The following TDRD3 variants were observed in gnomAD, a reference collection of about 807,000 sequenced individuals.
TDRD3 encodes the protein tudor domain containing 3.
In TDRD3, 45 loss-of-function variants were observed where a neutral mutation model predicts 86.7. That is an observed-to-expected ratio of 0.52 (90% CI 0.41 to 0.67). The LOEUF is 0.67. Ranked by LOEUF, TDRD3 falls within the 30% of genes least tolerant of loss-of-function variation. The pLI is 0.00. For missense variants in TDRD3, 814 were observed against 889.0 expected, an observed-to-expected ratio of 0.92 and a Z score of 1.07; for synonymous variants, 298 against 301.7, an observed-to-expected ratio of 0.99 and a Z score of 0.13.
At chr13:60,442,851 G>T (rs1165454437) in intron 2 of TDRD3, among the ~76,000 whole-genome samples, 1 of 151,872 alleles carries the variant, frequency 6.6e-6, no homozygotes, top group African/African-American at 2.4e-5. Context: ...TTTAATTACC[G>T]TTGGGATGGA....
Position 60,528,984 on chromosome 13 carries a change from C to T in TDRD3, c.1759C>T (p.Pro587Ser). 6.2e-7 allele frequency: 1 copy of T among 1,613,914 alleles called. No individual in the cohort carries two copies. The highest frequency in any genetic ancestry group is 8.5e-7 in the Non-Finnish European group (1 of 1,179,940). ...PVRSNSFIGV[P>S]NGEVEMPLKG... ...TCGAAGTAATAGTTTCATTGGTGTT[C>T]CAAATGGAGAAGTAGAAATGCCACT... The change falls in exon 11 of 14, where the codon CCA (proline) becomes TCA (serine). Residue 587 changes from proline (P) to serine (S), a missense_variant. Physicochemically the swap from Pro to Ser is moderately conservative, Grantham distance 74 (BLOSUM62 -1). Coordinates refer to ENST00000377881, the MANE Select transcript of TDRD3 (RefSeq NM_001146070.2).
intron 6 of TDRD3, 53 bp downstream of exon 6, chr13:60,483,899 A>G: frequency 1.3e-6 from 2 of 1,547,952 alleles, no homozygotes; most frequent in Non-Finnish European, 1.8e-6. Context: ...AGTGTTTTTC[A>G]TTAGCATTCA....
At chr13:60,425,521 G>T (rs1954779469) in intron 1 of TDRD3, among the ~76,000 whole-genome samples, 1 of 152,128 alleles carries the variant, frequency 6.6e-6, no homozygotes, top group Non-Finnish European at 1.5e-5. Flanking sequence ...TATATCCAAA[G>T]AAGATGAAAT....
At chr13:60,482,837 GT>G (rs986833949) in intron 5 of TDRD3, among the ~76,000 whole-genome samples, 111 of 138,124 alleles carry the variant, frequency 8.0e-4, no homozygotes, top group East Asian at 1.9e-3. Context: ...CATGGTGGTT[GT>G]TTTTTTTTTT....
At chr13:60,424,649 C>T (rs893457466) in intron 1 of TDRD3, among the ~76,000 whole-genome samples, 2 of 152,144 alleles carry the variant, frequency 1.3e-5, no homozygotes, top group South Asian at 2.1e-4. Flanking sequence ...TGTACCCCAG[C>T]CTGCGCAACA....
chr13:60,490,044 A>G (rs1304048572), intron 7 of TDRD3, among the ~76,000 whole-genome samples: 1 of 123,072 alleles, frequency 8.1e-6, no homozygotes, highest in Non-Finnish European at 1.6e-5. Context: ...TAATTAAAGC[A>G]TCTTAGTTTT....
chr13:60,562,320 C>A (rs1335474441), intron 12 of TDRD3, among the ~76,000 whole-genome samples: 1 of 151,602 alleles, frequency 6.6e-6, no homozygotes, highest in Non-Finnish European at 1.5e-5. Flanking sequence ...CTCCCTTCCC[C>A]CCACCCCCGG....
chr13:60,421,246 A>C (rs1407803159), intron 1 of TDRD3, among the ~76,000 whole-genome samples: 1 of 152,186 alleles, frequency 6.6e-6, no homozygotes, highest in Admixed American at 6.5e-5. Flanking sequence ...AGGAGGCCCC[A>C]CAATCTTGGC....
intron 1 of TDRD3, among the ~76,000 whole-genome samples, chr13:60,404,529 C>G (rs1234713477): frequency 1.3e-5 from 2 of 151,800 alleles, no homozygotes; most frequent in African/African-American, 4.8e-5. Flanking sequence ...CCGGGATGGT[C>G]TCGATCTCCT....
chr13:60,437,121 C>CTTTTTTTTTTTTTTTTTTTTTT (rs528500199), intron 1 of TDRD3, among the ~76,000 whole-genome samples: 1 of 73,760 alleles, frequency 1.4e-5, no homozygotes, highest in Non-Finnish European at 2.5e-5. Context: ...ATAAATTAAA[C>CTTTTTTTTTTTTTTTTTTTTTT]TTTTTTTTTT....
At chr13:60,404,600 G>A (rs1293511306) in intron 1 of TDRD3, among the ~76,000 whole-genome samples, 1 of 151,550 alleles carries the variant, frequency 6.6e-6, no homozygotes, top group Non-Finnish European at 1.5e-5. Context: ...GTGAGCCACC[G>A]CGCCCGGCCC....
chr13:60,475,881 A>C (rs763531192), intron 5 of TDRD3, among the ~76,000 whole-genome samples: 7 of 151,902 alleles, frequency 4.6e-5, no homozygotes, highest in Non-Finnish European at 8.8e-5. Flanking sequence ...CCTATTCTTT[A>C]ATGAGGTTGT....
intron 1 of TDRD3, among the ~76,000 whole-genome samples, chr13:60,406,063 T>C (rs913070691): frequency 7.2e-5 from 11 of 152,178 alleles, no homozygotes; most frequent in African/African-American, 2.7e-4. Context: ...TTTTGGGGGT[T>C]GGGTCATGAG....
In TDRD3 at chr13:60,405,907, T is replaced by C. The variant is rs575772582; in HGVS notation, c.41+8502T>C. Among the ~76,000 whole-genome samples the C allele has an allele frequency of 2.0e-5, 3 of 152,242 alleles. No homozygotes were observed. The South Asian group carries it at 6.2e-4, about 32-fold the overall frequency. ...GAGAGCAGCAGATCGACTTGACAGA[T>C]ATTTGGAAGGTAAATGGACAGGACT... On this transcript the variant is annotated intron_variant, in intron 1 of 13. Transcript: ENST00000377881.
intron 8 of TDRD3, among the ~76,000 whole-genome samples, chr13:60,499,499 C>T (rs577264869): frequency 6.6e-6 from 1 of 152,350 alleles, no homozygotes; most frequent in East Asian, 1.9e-4. Context: ...AACTCTCTGG[C>T]TTTGTGTCAT....
chr13:60,523,636 G>A (rs568681187), intron 10 of TDRD3, among the ~76,000 whole-genome samples: 1 of 147,148 alleles, frequency 6.8e-6, no homozygotes, highest in Non-Finnish European at 1.5e-5. Flanking sequence ...GAATGCAGAG[G>A]TGCCATCTTC....
At chr13:60,549,575 C>CGT (rs1430671390) in intron 12 of TDRD3, among the ~76,000 whole-genome samples, 2 of 151,976 alleles carry the variant, frequency 1.3e-5, no homozygotes, top group Admixed American at 1.3e-4. Flanking sequence ...TTCTAAGACA[C>CGT]GTGTGTGTGT....
intron 1 of TDRD3, among the ~76,000 whole-genome samples, chr13:60,407,237 T>C (rs1235438634): frequency 6.6e-6 from 1 of 152,194 alleles, no homozygotes; most frequent in Non-Finnish European, 1.5e-5. Flanking sequence ...CATATTTTTG[T>C]AGTATTCCAA....
At chr13:60,485,970 C>T (rs371577950) in intron 7 of TDRD3, 22 bp downstream of exon 7, 83 of 1,576,528 alleles carry the variant, frequency 5.3e-5, no homozygotes, top group Non-Finnish European at 6.4e-5. Flanking sequence ...AATCATTACA[C>T]GTTTTATTTC....
Sources: allele counts gnomAD v4.1 joint callset (sites outside exome capture counted in the v4.1 genomes callset), GRCh38; gene constraint gnomAD v4.1.1; transcripts MANE v1.5; gene names NCBI Gene and HGNC (gene_info 2026-07-23, HGNC 2026-07-21).